Variants in SLC44A3 observed in about 807,000 individuals in gnomAD.
The protein encoded by SLC44A3 is solute carrier family 44 member 3.
A neutral mutation model predicts 75.4 loss-of-function variants in SLC44A3; 74 were observed. That is an observed-to-expected ratio of 0.98 (90% CI 0.81 to 1.19). SLC44A3 has a LOEUF of 1.19. SLC44A3 is among the 50% of genes most tolerant of loss of function. The probability of loss-of-function intolerance (pLI) is 0.00; values close to 1 mark genes in which losing one functional copy is unlikely to be tolerated. For synonymous variants in SLC44A3, 310 were observed against 296.9 expected (o/e 1.04, Z -0.45); for missense variants, 700 against 778.6 (o/e 0.90, Z 1.20).
chr1:94,832,777 C>G (rs568248044), intron 5 of SLC44A3, among the ~76,000 whole-genome samples: 45 of 152,246 alleles, frequency 3.0e-4, no homozygotes, highest in Non-Finnish European at 4.7e-4. Flanking sequence ...AGTTCAAGAC[C>G]AGCCTGGACA....
chr1:94,823,276 C>T (rs191365352), intron 2 of SLC44A3, among the ~76,000 whole-genome samples: 1 of 152,322 alleles, frequency 6.6e-6, no homozygotes, highest in African/African-American at 2.4e-5. Context: ...TGTCAAGGCA[C>T]AGTCAGCTTG....
rs1663372355 is a variant in SLC44A3, at chr1:94,840,035, T to C, written c.758T>C (p.Leu253Ser). ...IFISLVILGL[L>S]FVCGVLWWLY... ...ATTTCATTGGTTATTTTGGGATTGT[T>C]GTGTAAGTATTTCTCTACTTGACTG... is the stretch of plus-strand genomic sequence containing the variant. The change falls in exon 7 of 15, where the codon TTG (leucine) becomes TCG (serine). Residue 253 changes from leucine to serine, a missense_variant and splice_region_variant. Coordinates refer to ENST00000271227, the MANE Select transcript of SLC44A3 (RefSeq NM_001114106.3). The C allele has an allele frequency of 2.5e-6, 4 of 1,609,256 alleles. No homozygotes were observed. The Admixed American group carries it at 6.7e-5, about 27-fold the overall frequency.
Position 94,824,611 on chromosome 1 carries a change from C to G in SLC44A3, c.254C>G (p.Ser85Ter), listed in dbSNP as rs773951394. 1.2e-6 allele frequency: 2 copies of G among 1,604,270 alleles called. No homozygotes were observed. Among genetic ancestry groups the G allele is most frequent in the Non-Finnish European group, 1.7e-6 (2 of 1,176,838 alleles). ...TCCCCCGTGGAAGGGGCCCCTCTTT[C>G]AGGGCAGGACATGACCCTAAAAAAG... ...KNSPVEGAPL[S>*]GQDMTLKKHV... The change falls in exon 3 of 15, where the codon TCA (serine) becomes TGA (stop). Residue 85 changes from serine (S) to a stop codon, truncating the protein, a stop_gained. Transcript: ENST00000271227. LOFTEE classifies it high-confidence loss of function.
At chr1:94,869,748 T>C (rs1484450629) in intron 12 of SLC44A3, among the ~76,000 whole-genome samples, 1 of 152,026 alleles carries the variant, frequency 6.6e-6, no homozygotes, top group Admixed American at 6.5e-5. Flanking sequence ...AAAGTGAGCA[T>C]AAAGTGAGAA....
At chr1:94,876,615 A>G (rs1418395909) in intron 12 of SLC44A3, among the ~76,000 whole-genome samples, 2 of 152,232 alleles carry the variant, frequency 1.3e-5, no homozygotes, top group East Asian at 1.9e-4. Flanking sequence ...TGCCACTTTG[A>G]TTTAGCAGTC....
At chr1:94,853,406 G>A (rs1037607708) in intron 9 of SLC44A3, among the ~76,000 whole-genome samples, 24 of 152,216 alleles carry the variant, frequency 1.6e-4, no homozygotes, top group African/African-American at 5.8e-4. Context: ...AAATGGAGAG[G>A]AAGCTGGAAG....
Position 94,828,523 on chromosome 1 carries a change from C to T in SLC44A3, c.446C>T (p.Ser149Phe). 1 of 1,613,910 alleles carries T rather than the reference C, an allele frequency of 6.2e-7. No homozygotes were observed. Among genetic ancestry groups the T allele is most frequent in the South Asian group, 1.1e-5 (1 of 91,010 alleles). The change falls in exon 5 of 15, where the codon TCC becomes TTC. Residue 149 changes from serine to phenylalanine, a missense_variant. Transcript: ENST00000271227. The stretch of plus-strand genomic sequence containing the variant: ...TTCCTGTGTGTTTATAGTTTGAATT[C>T]CTTCAACTATACCCACAGTCCAAAA... ...GSFLCVYSLNSFNYTHSPKAD... is the reference protein window; with the variant it reads ...GSFLCVYSLNFFNYTHSPKAD...
chr1:94,835,609 C>A (rs187178315), intron 5 of SLC44A3, among the ~76,000 whole-genome samples: 80 of 152,310 alleles, frequency 5.3e-4, no homozygotes, highest in African/African-American at 1.5e-3. Context: ...ACTTCCAACT[C>A]TTTTATGCTC....
chr1:94,842,928 C>T (rs765748229), intron 8 of SLC44A3, among the ~76,000 whole-genome samples: 20 of 152,202 alleles, frequency 1.3e-4, no homozygotes, highest in African/African-American at 2.4e-4. Flanking sequence ...CTCCTTTCCA[C>T]GGTGAGGTTT....
intron 5 of SLC44A3, among the ~76,000 whole-genome samples, chr1:94,829,722 T>A (rs1661870937): frequency 6.6e-6 from 1 of 152,188 alleles, no homozygotes; most frequent in Non-Finnish European, 1.5e-5. Flanking sequence ...GTGAGTATGT[T>A]TACAATGTAG....
intron 12 of SLC44A3, among the ~76,000 whole-genome samples, chr1:94,883,561 G>A (rs973162950): frequency 6.6e-6 from 1 of 152,156 alleles, no homozygotes; most frequent in East Asian, 1.9e-4. Context: ...TCATCAAAGA[G>A]GCTATAAGTG....
intron 9 of SLC44A3, among the ~76,000 whole-genome samples, chr1:94,849,398 C>T (rs200559408): frequency 1.3e-5 from 2 of 152,146 alleles, no homozygotes; most frequent in Non-Finnish European, 2.9e-5. Flanking sequence ...CCAAATCACC[C>T]GTCCCCTCCT....
chr1:94,822,162 G>C (rs926571981), intron 2 of SLC44A3, among the ~76,000 whole-genome samples: 27 of 152,262 alleles, frequency 1.8e-4, no homozygotes, highest in Non-Finnish European at 1.9e-4. Context: ...GTGATTTAAT[G>C]ATCTGCCGTA....
chr1:94,892,205 A>G (rs958946160), intron 13 of SLC44A3, 76 bp from the exon 14 acceptor site: 2 of 1,330,298 alleles, frequency 1.5e-6, no homozygotes, highest in African/African-American at 2.9e-5. Flanking sequence ...CGTATATTAA[A>G]CCATTACTTG....
In SLC44A3 at chr1:94,824,624, G is replaced by A. The variant is rs771425075; in HGVS notation, c.267G>A (p.Met89Ile). 5.7e-6 allele frequency: 9 copies of A among 1,586,182 alleles called. No homozygotes were observed. The highest frequency in any genetic ancestry group is 4.6e-5 in the South Asian group (4 of 87,052). Residue 89 changes from methionine (M) to isoleucine (I), a missense_variant, in exon 3 of 15, where the codon ATG becomes ATA. Coordinates refer to ENST00000271227, the MANE Select transcript of SLC44A3 (RefSeq NM_001114106.3). ...GGGCCCCTCTTTCAGGGCAGGACATGACCCTAAAAAAGTAAGTATCTAAAT... is the reference window on the plus strand; with the variant it reads ...GGGCCCCTCTTTCAGGGCAGGACATAACCCTAAAAAAGTAAGTATCTAAAT... The part of the protein sequence containing the change: ...VEGAPLSGQD[M>I]TLKKHVFFMN...
At chr1:94,884,396 C>A (rs1469619352) in intron 12 of SLC44A3, among the ~76,000 whole-genome samples, 2 of 152,196 alleles carry the variant, frequency 1.3e-5, no homozygotes, top group Non-Finnish European at 2.9e-5. Context: ...ACGGTTCCTG[C>A]CAGTTTTACT....
intron 7 of SLC44A3, among the ~76,000 whole-genome samples, chr1:94,841,156 G>A: frequency 6.6e-6 from 1 of 152,150 alleles, no homozygotes; most frequent in Middle Eastern, 3.2e-3. Flanking sequence ...GAATACGGTT[G>A]GCAGCTGTAA....
intron 7 of SLC44A3, among the ~76,000 whole-genome samples, chr1:94,841,003 G>T (rs1217919076): frequency 6.6e-5 from 10 of 152,152 alleles, no homozygotes; most frequent in Admixed American, 3.3e-4. Context: ...TCTGAGAAAT[G>T]CATCACTCAG....
At chr1:94,864,190 C>A (rs1241738596) in intron 10 of SLC44A3, among the ~76,000 whole-genome samples, 1 of 152,118 alleles carries the variant, frequency 6.6e-6, no homozygotes, top group Non-Finnish European at 1.5e-5. Flanking sequence ...CTGAAGTGAC[C>A]TTTAAAGAGC....
Sources: allele counts gnomAD v4.1 joint callset (sites outside exome capture counted in the v4.1 genomes callset), GRCh38; gene constraint gnomAD v4.1.1; transcripts MANE v1.5; gene names NCBI Gene and HGNC (gene_info 2026-07-23, HGNC 2026-07-21).